Variants in DENND2B observed in about 807,000 individuals in gnomAD.
The protein encoded by DENND2B is DENN domain-containing protein 2B.
DENND2B carries 32 observed loss-of-function variants against 116.0 expected under a neutral mutation model. The observed-to-expected ratio is 0.28, with a 90% CI of 0.21 to 0.37. DENND2B has a LOEUF of 0.37. Ranked by LOEUF, DENND2B falls within the 10% of genes least tolerant of loss-of-function variation. The pLI, the probability that DENND2B is intolerant of heterozygous loss-of-function variation, is 1.00. For missense variants in DENND2B, 1,276 were observed against 1,477.7 expected, an observed-to-expected ratio of 0.86 and a Z score of 2.24; for synonymous variants, 588 against 583.9, an observed-to-expected ratio of 1.01 and a Z score of -0.10.
intron 1 of DENND2B, among the ~76,000 whole-genome samples, chr11:8,788,547 A>T (rs2059114679): frequency 6.6e-6 from 1 of 152,086 alleles, no homozygotes; most frequent in African/African-American, 2.4e-5. Context: ...CAACTACCCC[A>T]CATCTTCAAA....
Position 8,707,718 on chromosome 11 carries a change from T to C in DENND2B, c.2430+59A>G. 6.6e-7 allele frequency: 1 copy of C among 1,523,474 alleles called. No individual in the cohort carries two copies. The highest frequency in any genetic ancestry group is 8.9e-7 in the Non-Finnish European group (1 of 1,119,238). The allele number at this position is 1,523,474 out of a possible 1,614,324, so 94.4% of individuals were successfully genotyped here. A position where few individuals can be genotyped will look rare whatever the true frequency, so the allele number is the denominator to read the frequency against. ...TTTTCTCATCTAAGCTGGCTGCAGA[T>C]ACTCCTGTGGGAGCTGTCAGCTGGG... On this transcript the variant is annotated intron_variant, in intron 12 of 19. Transcript: ENST00000313726. This position sits in a 1 kb window ranked among gnomAD's most constrained non-coding sequence, Gnocchi z 4.8.
chr11:8,818,046 G>C (rs1012248774), intron 4 of DENND2B, among the ~76,000 whole-genome samples: 3 of 92,948 alleles, frequency 3.2e-5, no homozygotes, highest in Non-Finnish European at 5.2e-5. Context: ...CAGATCACTT[G>C]AGGTCAGGAG....
chr11:8,757,112 G>A (rs1253638200), intron 1 of DENND2B: 2 of 456,064 alleles, frequency 4.4e-6, no homozygotes, highest in South Asian at 3.1e-5. Context: ...AGGGGCAGTG[G>A]AAAAACACCT....
At chr11:8,718,671 C>T (rs2045561384) in intron 4 of DENND2B, 1 of 1,238,736 alleles carries the variant, frequency 8.1e-7, no homozygotes, top group African/African-American at 1.5e-5. Flanking sequence ...TGGAAGGAGT[C>T]TGGGCCAAAG....
chr11:8,808,245 C>G (rs937230319), intron 1 of DENND2B: 3 of 152,288 alleles, frequency 2.0e-5, no homozygotes, highest in African/African-American at 7.2e-5. Flanking sequence ...CCCCTTTGCC[C>G]ACTGCAGAGT....
Position 8,694,067 on chromosome 11 carries a change from G to T in DENND2B, c.*29C>A. The T allele has an allele frequency of 6.2e-7, 1 of 1,613,780 alleles. No homozygotes were observed. The highest frequency in any genetic ancestry group is 8.5e-7 in the Non-Finnish European group (1 of 1,179,790). ...CTCCCCAGGCTTCAGGCTCTGCAAG[G>T]CACTGGACTCTGCTACTGAGAAGGA... On this transcript the variant is annotated 3_prime_UTR_variant, in exon 20 of 20. Coordinates refer to ENST00000313726, the MANE Select transcript of DENND2B (RefSeq NM_213618.2).
At position 8,711,206 on chromosome 11, in the gene DENND2B, C is replaced by G. The variant is rs1287941055; in HGVS notation, c.2198G>C (p.Arg733Pro). 1.2e-6 allele frequency: 2 copies of G among 1,613,956 alleles called. No individual in the cohort carries two copies. Among genetic ancestry groups the G allele is most frequent in the East Asian group, 2.2e-5 (1 of 44,846 alleles). ...PKLDRPTKQM[R>P]EAEERLKAIP... ...GGCTTTGAGCCTTTCCTCTGCCTCT[C>G]GCATCTGCTTGGTGGGTCGGTCCAG... Residue 733 changes from arginine (R) to proline (P), a missense_variant, in exon 10 of 20, where the codon CGA becomes CCA. By Grantham distance (103) the Arg-to-Pro change is moderately radical (BLOSUM62 -2). Transcript: ENST00000313726.
intron 14 of DENND2B, chr11:8,699,805 C>G (rs1454883843): frequency 2.2e-6 from 1 of 456,748 alleles, no homozygotes; most frequent in African/African-American, 2.0e-5. Flanking sequence ...GGACAAAGAA[C>G]TTGTGGAAAA....
chr11:8,735,928 G>A (rs2133957996), intron 2 of DENND2B, among the ~76,000 whole-genome samples: 1 of 152,326 alleles, frequency 6.6e-6, no homozygotes, highest in Admixed American at 6.5e-5. Context: ...CTGTCTAGTT[G>A]TTTCCTAGTT....
At chr11:8,796,396 A>T (rs998445544) in intron 1 of DENND2B, among the ~76,000 whole-genome samples, 11 of 152,150 alleles carry the variant, frequency 7.2e-5, no homozygotes, top group African/African-American at 2.7e-4. Context: ...AAAATTAGCC[A>T]AGCATGGTGG....
At position 8,828,669 on chromosome 11, in the gene DENND2B, G is replaced by A. The variant is rs151312394; in HGVS notation, c.-115+10641C>T. 8.7e-4 allele frequency among the ~76,000 whole-genome samples: 133 copies of A among 152,256 alleles called. 2 individuals carry two copies. The highest frequency in any genetic ancestry group is 2.3e-3 in the Admixed American group (35 of 15,288). ...GGACTCGGAGGTGACCAGCTGCAGA[G>A]GTGAGCAAAGCTCCAGAAGGACTCC... On this transcript the variant is annotated intron_variant, in intron 4 of 6. Coordinates refer to the DENND2B transcript ENST00000524757.
chr11:8,779,524 T>C (rs2058140573), intron 1 of DENND2B, among the ~76,000 whole-genome samples: 4 of 150,754 alleles, frequency 2.7e-5, no homozygotes, highest in Admixed American at 2.6e-4. Flanking sequence ...CTTTTTTTTT[T>C]TTTTTGAGAC....
chr11:8,827,469 C>A (rs1182112131), intron 4 of DENND2B, among the ~76,000 whole-genome samples: 3 of 152,220 alleles, frequency 2.0e-5, no homozygotes, highest in African/African-American at 7.2e-5. Context: ...TGCAGACAGC[C>A]TCTGCCATCA....
At chr11:8,762,817 G>A (rs1003175110) in intron 1 of DENND2B, among the ~76,000 whole-genome samples, 10 of 152,294 alleles carry the variant, frequency 6.6e-5, no homozygotes, top group Admixed American at 1.3e-4. Context: ...CCAAGATCGC[G>A]CCATTACACT....
chr11:8,856,168 T>C (rs951736694), intron 3 of DENND2B, among the ~76,000 whole-genome samples: 1 of 152,228 alleles, frequency 6.6e-6, no homozygotes, highest in Admixed American at 6.5e-5. Flanking sequence ...TAATAACATT[T>C]GATGCAATAT....
At position 8,730,346 on chromosome 11, in the gene DENND2B, C is replaced by A. The variant is rs1421454585; in HGVS notation, c.944G>T (p.Arg315Met). The A allele has an allele frequency of 7.5e-6, 12 of 1,599,942 alleles. No individual in the cohort carries two copies. Among genetic ancestry groups the A allele is most frequent in the Non-Finnish European group, 1.0e-5 (12 of 1,177,954 alleles). Residue 315 changes from arginine to methionine, a missense_variant, in exon 3 of 20, where the codon AGG (arginine) becomes ATG (methionine). Physicochemically the swap from Arg to Met is moderately conservative, Grantham distance 91. Around this residue, in one of 2 missense-constraint regions of DENND2B, gnomAD observed 856 missense variants for 846.6 expected, o/e 1.01. Coordinates refer to ENST00000313726, the MANE Select transcript of DENND2B (RefSeq NM_213618.2). The surrounding 1 kb of genome is among the most constrained non-coding windows in gnomAD (Gnocchi z 4.1). ...CAAGGAGCCCAAGGTTCCAGTCTTCCTTTTCCCCCGGTCCACGCTGTAGCA... is the reference window on the plus strand; with the variant it reads ...CAAGGAGCCCAAGGTTCCAGTCTTCATTTTCCCCCGGTCCACGCTGTAGCA... ...SSCYSVDRGK[R>M]KTGTLGSLEE...
chr11:8,731,137 T>C lies in DENND2B; in HGVS notation c.153A>G (p.Glu51=). The change falls in exon 3 of 20, where the codon GAA becomes GAG. Residue 51 remains glutamate, a synonymous_variant. Transcript: ENST00000313726. The part of the protein sequence containing the change: ...RSPIYPLSDS[E]TSACRYPSHS... ...GGCTGGGGTACCTGCAGGCTGAGGT[T>C]TCACTATCACTGAGCGGGTAGATGG... 6.3e-7 allele frequency: 1 copy of C among 1,586,434 alleles called. No individual in the cohort carries two copies. The highest frequency in any genetic ancestry group is 8.6e-7 in the Non-Finnish European group (1 of 1,165,934).
chr11:8,802,473 T>C (rs1373081044), intron 1 of DENND2B, among the ~76,000 whole-genome samples: 3 of 152,306 alleles, frequency 2.0e-5, no homozygotes, highest in South Asian at 2.1e-4. Context: ...GCCTCAATTT[T>C]ACGGAAGAGG....
At chr11:8,870,604 G>A (rs1433319246) in intron 2 of DENND2B, among the ~76,000 whole-genome samples, 4 of 152,214 alleles carry the variant, frequency 2.6e-5, no homozygotes, top group South Asian at 2.1e-4. Flanking sequence ...TGCCGCCACC[G>A]AGAGGCAAGG....
Sources: allele counts gnomAD v4.1 joint callset (sites outside exome capture counted in the v4.1 genomes callset), GRCh38; gene constraint gnomAD v4.1.1; regional missense constraint gnomAD v4.1.1; non-coding constraint Gnocchi (gnomAD v3.1); transcripts MANE v1.5; gene names NCBI Gene and HGNC (gene_info 2026-07-23, HGNC 2026-07-21).